The following SLC25A26 variants were observed in gnomAD, a reference collection of about 807,000 sequenced individuals.
SLC25A26 encodes the protein solute carrier family 25 member 26.
A neutral mutation model predicts 37.8 loss-of-function variants in SLC25A26; 36 were observed. The ratio of observed to expected loss-of-function variants is 0.95; its 90% CI spans 0.73 to 1.26. The LOEUF (loss-of-function observed/expected upper bound fraction) is 1.26, where lower values mean the gene tolerates loss of function less well. Ranked by LOEUF, SLC25A26 falls within the 50% of genes most tolerant of loss-of-function variation. The pLI is 0.00. For synonymous variants in SLC25A26, 129 were observed against 122.5 expected, an observed-to-expected ratio of 1.05 and a Z score of -0.35; for missense variants, 390 against 331.1, an observed-to-expected ratio of 1.18 and a Z score of -1.38.
intron 3 of SLC25A26, among the ~76,000 whole-genome samples, 189 bp downstream of exon 3, chr3:66,243,501 T>C (rs2072684660): frequency 6.6e-6 from 1 of 152,182 alleles, no homozygotes; most frequent in African/African-American, 2.4e-5. Flanking sequence ...GAGCCTTATA[T>C]AGGACAGAAG....
intron 1 of SLC25A26, among the ~76,000 whole-genome samples, chr3:66,226,483 T>G (rs920182959): frequency 2.0e-5 from 3 of 149,812 alleles, no homozygotes; most frequent in Non-Finnish European, 4.4e-5. Context: ...GTTCTTTTCT[T>G]TTTTTTTTGA....
At chr3:66,365,689 G>C (rs1418107236) in intron 7 of SLC25A26, among the ~76,000 whole-genome samples, 2 of 152,156 alleles carry the variant, frequency 1.3e-5, no homozygotes, top group African/African-American at 4.8e-5. Flanking sequence ...CAGGGTGAGG[G>C]ATTATTTGGG....
At chr3:66,360,362 C>A (rs764355410) in intron 6 of SLC25A26, among the ~76,000 whole-genome samples, 38 of 151,774 alleles carry the variant, frequency 2.5e-4, no homozygotes, top group Non-Finnish European at 3.7e-4. Context: ...CAATGCATAC[C>A]ATTATTCTGA....
At chr3:66,252,260 T>G (rs2073113533) in intron 3 of SLC25A26, among the ~76,000 whole-genome samples, 1 of 152,262 alleles carries the variant, frequency 6.6e-6, no homozygotes, top group Non-Finnish European at 1.5e-5. Context: ...TGCTTTGGTT[T>G]GTGATTGTGT....
rs1700826330 is a variant in SLC25A26 at position 66,378,634 on chromosome 3, T to C, written c.*827T>C. On this transcript the variant is annotated 3_prime_UTR_variant, in exon 10 of 10. Transcript: ENST00000354883. Reference sequence around the variant, plus strand: ...GACCTTGACTAACAAGCTCCAGGTGTAGAAAAATTCAAAACAAAATGTCAG... The same window carrying C: ...GACCTTGACTAACAAGCTCCAGGTGCAGAAAAATTCAAAACAAAATGTCAG... 6.6e-6 allele frequency: 1 copy of C among 152,504 alleles called. No individual in the cohort carries two copies. Among genetic ancestry groups the C allele is most frequent in the South Asian group, 2.1e-4 (1 of 4,830 alleles). 9.4% of individuals were successfully genotyped at this position (152,504 alleles called of 1,614,324 possible). A position where few individuals can be genotyped will look rare whatever the true frequency, so the allele number is the denominator to read the frequency against.
intron 1 of SLC25A26, among the ~76,000 whole-genome samples, chr3:66,215,406 G>T (rs2106845733): frequency 6.6e-6 from 1 of 152,160 alleles, no homozygotes; most frequent in African/African-American, 2.4e-5. Flanking sequence ...TCCCCATGTT[G>T]CCCAGGCTGG....
At chr3:66,328,476 A>G (rs1379195141) in intron 5 of SLC25A26, among the ~76,000 whole-genome samples, 1 of 152,118 alleles carries the variant, frequency 6.6e-6, no homozygotes, top group Non-Finnish European at 1.5e-5. Flanking sequence ...CAGCTCACAT[A>G]TTTTTAAATG....
At chr3:66,365,140 G>A (rs2107817483) in intron 7 of SLC25A26, among the ~76,000 whole-genome samples, 1 of 152,258 alleles carries the variant, frequency 6.6e-6, no homozygotes. Flanking sequence ...GTCTTGTGAA[G>A]TCCCTTTAAA....
chr3:66,276,219 GC>G (rs1486054984), intron 5 of SLC25A26, among the ~76,000 whole-genome samples: 1 of 152,062 alleles, frequency 6.6e-6, no homozygotes, highest in Admixed American at 6.6e-5. Context: ...TAAGACATCA[GC>G]CTGTTTGTAC....
At chr3:66,185,172 T>G (rs1174722889) in intron 1 of SLC25A26, among the ~76,000 whole-genome samples, 1 of 152,192 alleles carries the variant, frequency 6.6e-6, no homozygotes, top group African/African-American at 2.4e-5. Flanking sequence ...CTCTATAATT[T>G]TGAGTAATCT....
intron 1 of SLC25A26, among the ~76,000 whole-genome samples, chr3:66,199,974 A>G (rs2071088658): frequency 6.6e-6 from 1 of 152,238 alleles, no homozygotes; most frequent in Admixed American, 6.5e-5. Flanking sequence ...AGTTTCATCT[A>G]GATCTTTTGT....
chr3:66,153,745 C>G (rs920943282), intron 1 of SLC25A26, among the ~76,000 whole-genome samples: 1 of 152,208 alleles, frequency 6.6e-6, no homozygotes, highest in African/African-American at 2.4e-5. Flanking sequence ...AAAGCCCTGG[C>G]AGCTCTTCCC....
At chr3:66,263,581 A>C (rs887550379) in intron 5 of SLC25A26, among the ~76,000 whole-genome samples, 3 of 152,192 alleles carry the variant, frequency 2.0e-5, no homozygotes, top group South Asian at 2.1e-4. Context: ...CGGAAGAGCA[A>C]TTTCAGTGGT....
chr3:66,320,585 C>A (rs528966205), intron 5 of SLC25A26, among the ~76,000 whole-genome samples: 3 of 152,074 alleles, frequency 2.0e-5, no homozygotes, highest in Non-Finnish European at 2.9e-5. Context: ...GCTTTTAATT[C>A]TTTTGGGTGT....
chr3:66,315,259 T>C (rs898053410), intron 5 of SLC25A26, among the ~76,000 whole-genome samples: 2 of 152,152 alleles, frequency 1.3e-5, no homozygotes, highest in African/African-American at 4.8e-5. Flanking sequence ...TGTAGGCATT[T>C]ATTGCTATAA....
intron 1 of SLC25A26, among the ~76,000 whole-genome samples, chr3:66,226,429 G>A (rs781887577): frequency 6.6e-6 from 1 of 152,112 alleles, no homozygotes; most frequent in African/African-American, 2.4e-5. Flanking sequence ...TACAATTCAA[G>A]ATGAGATTTG....
chr3:66,315,331 T>G (rs1465958330), intron 5 of SLC25A26, among the ~76,000 whole-genome samples: 1 of 152,234 alleles, frequency 6.6e-6, no homozygotes, highest in Non-Finnish European at 1.5e-5. Flanking sequence ...TTCTTTGTTC[T>G]TACTGATTTC....
intron 3 of SLC25A26, among the ~76,000 whole-genome samples, chr3:66,253,303 C>G (rs1024692732): frequency 6.7e-6 from 1 of 149,936 alleles, no homozygotes; most frequent in African/African-American, 2.5e-5. Flanking sequence ...CCCAGCTACT[C>G]GGGAGGCTGA....
intron 5 of SLC25A26, among the ~76,000 whole-genome samples, chr3:66,305,555 A>G (rs968498614): frequency 1.3e-5 from 2 of 152,120 alleles, no homozygotes; most frequent in Non-Finnish European, 1.5e-5. Flanking sequence ...CTGTCAACCC[A>G]TCACCTTGGT....
Sources: allele counts gnomAD v4.1 joint callset (sites outside exome capture counted in the v4.1 genomes callset), GRCh38; gene constraint gnomAD v4.1.1; transcripts MANE v1.5; gene names NCBI Gene and HGNC (gene_info 2026-07-23, HGNC 2026-07-21).